MAD1L1: variants seen among roughly 807,000 people sequenced by gnomAD.
MAD1L1 encodes mitotic spindle assembly checkpoint protein MAD1.
In MAD1L1, 95 loss-of-function variants were observed where a neutral mutation model predicts 96.9. That is an observed-to-expected ratio of 0.98 (90% CI 0.83 to 1.16). The LOEUF is 1.16. Ranked by LOEUF, MAD1L1 falls within the 50% of genes most tolerant of loss-of-function variation. MAD1L1 has a pLI of 0.00. For synonymous variants in MAD1L1, 473 were observed against 396.6 expected (o/e 1.19, Z -2.29); for missense variants, 1,007 against 954.4 (o/e 1.06, Z -0.73).
intron 18 of MAD1L1, among the ~76,000 whole-genome samples, chr7:1,862,424 G>T (rs1784577510): frequency 6.6e-6 from 1 of 152,228 alleles, no homozygotes; most frequent in Non-Finnish European, 1.5e-5. Flanking sequence ...AGTCTGGTGG[G>T]GACCCCAGAG....
At chr7:2,167,412 G>A (rs1790486081) in intron 10 of MAD1L1, among the ~76,000 whole-genome samples, 1 of 152,194 alleles carries the variant, frequency 6.6e-6, no homozygotes, top group Non-Finnish European at 1.5e-5. Flanking sequence ...AGCCGGGCAT[G>A]GTGGCGGGCG....
intron 10 of MAD1L1, among the ~76,000 whole-genome samples, chr7:2,212,898 G>A (rs371382041): frequency 4.6e-5 from 7 of 152,118 alleles, no homozygotes; most frequent in South Asian, 2.1e-4. Context: ...TTATTTCCTC[G>A]GTATACACCA....
intron 9 of MAD1L1, among the ~76,000 whole-genome samples, chr7:2,214,646 C>T (rs574457401): frequency 3.3e-5 from 5 of 152,316 alleles, no homozygotes; most frequent in African/African-American, 1.2e-4. Flanking sequence ...GCATGAAGGA[C>T]AGAGGACCCA....
intron 18 of MAD1L1, among the ~76,000 whole-genome samples, chr7:1,832,996 C>G (rs894289465): frequency 6.6e-6 from 1 of 152,142 alleles, no homozygotes; most frequent in Non-Finnish European, 1.5e-5. Flanking sequence ...CCTGATCTGT[C>G]AGCAGCCATC....
chr7:2,070,051 G>A (rs1355682227), intron 11 of MAD1L1, among the ~76,000 whole-genome samples: 5 of 152,248 alleles, frequency 3.3e-5, no homozygotes, highest in Admixed American at 2.6e-4. Flanking sequence ...TCCTCAGACA[G>A]CAGAGAGGGG....
intron 12 of MAD1L1, among the ~76,000 whole-genome samples, chr7:2,028,117 T>C (rs986875478): frequency 3.3e-5 from 5 of 151,936 alleles, no homozygotes; most frequent in Non-Finnish European, 4.4e-5. Context: ...TATGAAACAA[T>C]TTCGAGAGAA....
intron 18 of MAD1L1, among the ~76,000 whole-genome samples, chr7:1,834,971 AGT>A (rs1782874760): frequency 6.6e-6 from 1 of 152,232 alleles, no homozygotes; most frequent in South Asian, 2.1e-4. Flanking sequence ...AGTATGACTA[AGT>A]GGGGTTTATC....
At chr7:2,206,054 C>T (rs1483730774) in intron 10 of MAD1L1, among the ~76,000 whole-genome samples, 1 of 152,188 alleles carries the variant, frequency 6.6e-6, no homozygotes, top group East Asian at 1.9e-4. Context: ...ATTGCTTGAA[C>T]CTGGGAGGCG....
chr7:1,961,781 T>A (rs1399439913), intron 15 of MAD1L1, among the ~76,000 whole-genome samples: 1 of 151,866 alleles, frequency 6.6e-6, no homozygotes, highest in African/African-American at 2.4e-5. Flanking sequence ...GAGGGCAGTT[T>A]CCCCCATACC....
intron 17 of MAD1L1, among the ~76,000 whole-genome samples, chr7:1,918,216 C>T (rs2128454746): frequency 6.6e-6 from 1 of 152,278 alleles, no homozygotes; most frequent in African/African-American, 2.4e-5. Context: ...CCCACGATGG[C>T]CCAGTGGGGA....
intron 18 of MAD1L1, among the ~76,000 whole-genome samples, chr7:1,830,233 C>T (rs1183896413): frequency 3.9e-5 from 6 of 152,184 alleles, no homozygotes; most frequent in Non-Finnish European, 8.8e-5. Context: ...CCTGTTTCTA[C>T]TAAAAATACA....
chr7:2,212,152 A>G (rs1792981280), intron 10 of MAD1L1, among the ~76,000 whole-genome samples: 1 of 151,396 alleles, frequency 6.6e-6, no homozygotes, highest in African/African-American at 2.4e-5. Context: ...TGCTGGAGAA[A>G]GATGAGCACA....
At chr7:2,028,295 G>A (rs1783070659) in intron 12 of MAD1L1, among the ~76,000 whole-genome samples, 1 of 151,786 alleles carries the variant, frequency 6.6e-6, no homozygotes, top group Non-Finnish European at 1.5e-5. Flanking sequence ...CGTGGTGGTG[G>A]GCGCCTGTAG....
intron 18 of MAD1L1, among the ~76,000 whole-genome samples, chr7:1,882,223 C>T (rs1008104809): frequency 3.9e-5 from 6 of 152,188 alleles, no homozygotes; most frequent in South Asian, 2.1e-4. Flanking sequence ...CCTCGGGAGG[C>T]GAGTGTGCCG....
chr7:2,043,787 G>A (rs970210133), intron 12 of MAD1L1, among the ~76,000 whole-genome samples: 7 of 152,240 alleles, frequency 4.6e-5, no homozygotes, highest in Non-Finnish European at 1.0e-4. Flanking sequence ...AGGGGCCTCT[G>A]CCCATTCTCT....
At chr7:2,082,505 G>A (rs531067631) in intron 11 of MAD1L1, among the ~76,000 whole-genome samples, 5 of 152,234 alleles carry the variant, frequency 3.3e-5, no homozygotes, top group East Asian at 1.9e-4. Context: ...AATCAGAGCC[G>A]TGAGGCATGG....
At chr7:2,113,843 A>G (rs1787511438) in intron 11 of MAD1L1, among the ~76,000 whole-genome samples, 1 of 152,220 alleles carries the variant, frequency 6.6e-6, no homozygotes, top group Non-Finnish European at 1.5e-5. Flanking sequence ...ACTCGCTCCA[A>G]CTGAGGAACA....
intron 10 of MAD1L1, among the ~76,000 whole-genome samples, chr7:2,178,219 T>C (rs2128599264): frequency 6.6e-6 from 1 of 152,376 alleles, no homozygotes; most frequent in East Asian, 1.9e-4. Flanking sequence ...CAAATGATCT[T>C]TGACCTTCAC....
At chr7:1,869,516 C>T (rs1159471896) in intron 18 of MAD1L1, among the ~76,000 whole-genome samples, 1 of 152,112 alleles carries the variant, frequency 6.6e-6, no homozygotes, top group Non-Finnish European at 1.5e-5. Flanking sequence ...GCCCTCTTCC[C>T]AGCGCCTTTG....
Sources: gnomAD v4.1 joint callset for allele counts (sites outside exome capture counted in the v4.1 genomes callset) on GRCh38, gnomAD v4.1.1 for gene constraint, MANE v1.5 for transcripts, NCBI Gene and HGNC (gene_info 2026-07-23, HGNC 2026-07-21) for gene names.